The following SPPL3 variants were observed in gnomAD, a reference collection of about 807,000 sequenced individuals.
SPPL3 encodes signal peptide peptidase-like 3.
In SPPL3, 5 loss-of-function variants were observed where a neutral mutation model predicts 42.4. The observed-to-expected ratio is 0.12, with a 90% CI of 0.06 to 0.25. The LOEUF is 0.25. SPPL3 is among the 10% of genes least tolerant of loss of function. SPPL3 has a pLI of 1.00. For synonymous variants in SPPL3, 195 were observed against 181.8 expected (o/e 1.07, Z -0.58); for missense variants, 235 against 489.0 (o/e 0.48, Z 4.90).
intron 1 of SPPL3, among the ~76,000 whole-genome samples, chr12:120,874,094 C>G (rs1027720246): frequency 1.3e-5 from 2 of 151,978 alleles, no homozygotes; most frequent in Non-Finnish European, 2.9e-5. Context: ...AAAGGAATTT[C>G]TCCACACAGA....
intron 3 of SPPL3, 36 bp downstream of exon 3, chr12:120,791,433 A>G (rs761367589): frequency 6.8e-6 from 10 of 1,461,220 alleles, no homozygotes; most frequent in South Asian, 2.5e-5. Flanking sequence ...TAAGAAAACT[A>G]TATGTACAGA....
chr12:120,883,166 G>A (rs975413060), intron 1 of SPPL3, among the ~76,000 whole-genome samples: 3 of 151,962 alleles, frequency 2.0e-5, no homozygotes, highest in Non-Finnish European at 2.9e-5. Context: ...TTAGCCAGGC[G>A]TGGTGGCGGG....
intron 1 of SPPL3, chr12:120,845,364 T>A (rs1592992138): frequency 5.5e-6 from 2 of 363,484 alleles, no homozygotes; most frequent in East Asian, 1.5e-4. Flanking sequence ...TCATACGCCC[T>A]CTGTCAGTGC....
chr12:120,837,617 A>C (rs1050691828), intron 1 of SPPL3, among the ~76,000 whole-genome samples: 1 of 152,206 alleles, frequency 6.6e-6, no homozygotes, highest in Non-Finnish European at 1.5e-5. Flanking sequence ...TCAGAAGGGA[A>C]TGCGATTCCT....
chr12:120,788,418 C>T (rs117276741), intron 3 of SPPL3, among the ~76,000 whole-genome samples: 2,802 of 152,212 alleles, frequency 0.018, 48 homozygotes, highest in Middle Eastern at 0.034. Context: ...CACCCTGCAG[C>T]GAGAAACTTT....
At chr12:120,903,617 C>T (rs1432605605) in intron 1 of SPPL3, 1 of 472,350 alleles carries the variant, frequency 2.1e-6, no homozygotes. Flanking sequence ...ACATCCGCCG[C>T]TGCCTCCTCC....
At chr12:120,871,748 C>T (rs922042730) in intron 1 of SPPL3, among the ~76,000 whole-genome samples, 2 of 151,880 alleles carry the variant, frequency 1.3e-5, no homozygotes, top group Admixed American at 6.6e-5. Flanking sequence ...AATGAAACTC[C>T]GTCTCAGGGA....
chr12:120,807,670 G>A (rs1178707424), intron 2 of SPPL3, among the ~76,000 whole-genome samples: 18 of 91,510 alleles, frequency 2.0e-4, no homozygotes, highest in South Asian at 5.8e-4. Context: ...GCGAAACTCC[G>A]ACTCAAAAAA....
intron 2 of SPPL3, chr12:120,791,873 A>G (rs752353833): frequency 2.1e-5 from 6 of 291,790 alleles, no homozygotes; most frequent in African/African-American, 4.6e-5. Context: ...GGGCAAGCAC[A>G]TTTTGAGACT....
intron 2 of SPPL3, among the ~76,000 whole-genome samples, chr12:120,798,190 T>A (rs1870170093): frequency 6.6e-6 from 1 of 152,092 alleles, no homozygotes; most frequent in South Asian, 2.1e-4. Context: ...TTCTGAAATA[T>A]GGTCAGGTGT....
At chr12:120,880,954 C>G (rs1208561310) in intron 1 of SPPL3, among the ~76,000 whole-genome samples, 1 of 148,968 alleles carries the variant, frequency 6.7e-6, no homozygotes, top group Non-Finnish European at 1.5e-5. Context: ...TAAACGTGAA[C>G]AGATGCTCAG....
At chr12:120,844,824 C>A (rs1871964616) in intron 1 of SPPL3, among the ~76,000 whole-genome samples, 1 of 151,858 alleles carries the variant, frequency 6.6e-6, no homozygotes, top group African/African-American at 2.4e-5. Flanking sequence ...GGGCCTACAT[C>A]CCCTCTCAGC....
At chr12:120,856,346 G>A (rs1284209775) in intron 1 of SPPL3, among the ~76,000 whole-genome samples, 2 of 151,736 alleles carry the variant, frequency 1.3e-5, no homozygotes, top group Non-Finnish European at 2.9e-5. Flanking sequence ...AGGATGTGAT[G>A]TCTCGGAAAT....
intron 1 of SPPL3, among the ~76,000 whole-genome samples, chr12:120,841,377 T>G (rs1160520232): frequency 6.6e-6 from 1 of 152,034 alleles, no homozygotes; most frequent in Non-Finnish European, 1.5e-5. Context: ...ATTAAAATCT[T>G]TATTATTCAT....
intron 1 of SPPL3, among the ~76,000 whole-genome samples, chr12:120,883,139 C>A (rs1346434423): frequency 6.6e-6 from 1 of 151,814 alleles, no homozygotes; most frequent in Non-Finnish European, 1.5e-5. Context: ...CCCGTCTCTA[C>A]TAAAAATACA....
intron 1 of SPPL3, among the ~76,000 whole-genome samples, chr12:120,817,722 TC>T (rs1445996178): frequency 6.6e-6 from 1 of 152,200 alleles, no homozygotes; most frequent in Non-Finnish European, 1.5e-5. Context: ...TGAAGTAGGC[TC>T]ACTTTTCACC....
Position 120,801,142 on chromosome 12 carries a change from GAGGCCCTACCTTGTCC to G in SPPL3, c.102-9601_102-9586del, listed in dbSNP as rs532124250. ...ATTGATGAGGTGGAGGCATTTCTCTGAGGCCCTACCTTGTCCAGACACAGGAAAGATTAATTGAGAG... is the reference window on the plus strand; with the variant it reads ...ATTGATGAGGTGGAGGCATTTCTCTGAGACACAGGAAAGATTAATTGAGAG... On this transcript the variant is annotated intron_variant, in intron 2 of 10. Transcript: ENST00000353487. 5.6e-4 allele frequency among the ~76,000 whole-genome samples: 86 copies of G among 152,318 alleles called. 1 individual carries two copies. The East Asian group carries it at 0.015, about 27-fold the overall frequency.
intron 2 of SPPL3, among the ~76,000 whole-genome samples, chr12:120,800,713 A>G (rs1735524683): frequency 6.6e-6 from 1 of 152,124 alleles, no homozygotes. Context: ...AAGGTGTAGG[A>G]GGTCAACAAA....
At chr12:120,897,013 T>A (rs1040328531) in intron 1 of SPPL3, among the ~76,000 whole-genome samples, 2 of 152,182 alleles carry the variant, frequency 1.3e-5, no homozygotes, top group African/African-American at 4.8e-5. Context: ...TTATCAACAC[T>A]CTCTTTCTCT....
Sources: allele counts gnomAD v4.1 joint callset (sites outside exome capture counted in the v4.1 genomes callset), GRCh38; gene constraint gnomAD v4.1.1; transcripts MANE v1.5; gene names NCBI Gene and HGNC (gene_info 2026-07-23, HGNC 2026-07-21).